CYP3A43: variants seen among roughly 807,000 people sequenced by gnomAD.
The protein encoded by CYP3A43 is cytochrome P450 3A43.
A neutral mutation model predicts 58.0 loss-of-function variants in CYP3A43; 45 were observed. That is an observed-to-expected ratio of 0.78 (90% confidence interval 0.61 to 0.99). CYP3A43 has a LOEUF of 0.99. Ranked by LOEUF, CYP3A43 falls within the 50% of genes least tolerant of loss-of-function variation. The pLI, the probability that CYP3A43 is intolerant of heterozygous loss-of-function variation, is 0.00. For missense variants in CYP3A43, 593 were observed against 591.9 expected, an observed-to-expected ratio of 1.00 and a Z score of -0.02; for synonymous variants, 191 against 201.4, an observed-to-expected ratio of 0.95 and a Z score of 0.44.
chr7:99,837,318 C>CAAAA (rs35566033), intron 2 of CYP3A43, among the ~76,000 whole-genome samples: 1,350 of 66,646 alleles, frequency 0.02, 52 homozygotes, highest in African/African-American at 0.054. Flanking sequence ...GACTGTGTCT[C>CAAAA]AAAAAAAAAA....
intron 3 of CYP3A43, among the ~76,000 whole-genome samples, chr7:99,840,441 A>G (rs111764181): frequency 8.3e-4 from 126 of 152,332 alleles, no homozygotes; most frequent in Non-Finnish European, 1.6e-3. Flanking sequence ...ATGAATATGT[A>G]ACTGACTTTT....
chr7:99,856,246 A>T (rs933158876), intron 8 of CYP3A43, among the ~76,000 whole-genome samples: 2 of 152,124 alleles, frequency 1.3e-5, no homozygotes, highest in African/African-American at 4.8e-5. Context: ...TTCTCTGGGC[A>T]TTGTGGGTGC....
chr7:99,828,042 T>C lies in CYP3A43; in HGVS notation c.-74T>C, dbSNP rs1300127745. ...CTGGGCAGAGAAACAAAGCTCTATA[T>C]GCACAGCCCAGCAAAGAGCAGCACA... On this transcript the variant is annotated 5_prime_UTR_variant, in exon 1 of 13. An upstream start codon of the reference 5' UTR is lost. Transcript: ENST00000354829. 3.2e-6 allele frequency: 4 copies of C among 1,268,958 alleles called. No individual in the cohort carries two copies. In the African/African-American group the frequency reaches 4.4e-5, roughly 14 times the overall value. The allele number at this position is 1,268,958 out of a possible 1,614,324, so 78.6% of individuals were successfully genotyped here.
In CYP3A43 at chr7:99,830,586, T is replaced by C. The variant is rs983654540; in HGVS notation, c.71+2400T>C. ...GGAGACTAAGGTTGATAATACTTGT[T>C]CTTTGGAGCACTGATGCCTGACAGA... On this transcript the variant is annotated intron_variant, in intron 1 of 12. Coordinates refer to ENST00000354829, the MANE Select transcript of CYP3A43 (RefSeq NM_057095.3). 3.9e-5 allele frequency among the ~76,000 whole-genome samples: 6 copies of C among 152,212 alleles called. No individual in the cohort carries two copies. The East Asian group carries it at 1.2e-3, about 29-fold the overall frequency.
At chr7:99,839,299 G>A (rs1312239041) in intron 3 of CYP3A43, 127 bp downstream of exon 3, 6 of 1,134,476 alleles carry the variant, frequency 5.3e-6, no homozygotes, top group Non-Finnish European at 7.9e-6. Context: ...AACAAACAGA[G>A]AGAGGCTATC....
chr7:99,838,801 G>A (rs1817200840), intron 2 of CYP3A43: 1 of 593,842 alleles, frequency 1.7e-6, no homozygotes, highest in South Asian at 1.8e-5. Flanking sequence ...CCAACATGGT[G>A]AAACCCTATT....
Position 99,849,679 on chromosome 7 carries a change from T to C in CYP3A43, c.655T>C (p.Phe219Leu), listed in dbSNP as rs1240163899. 1.2e-6 allele frequency: 2 copies of C among 1,605,808 alleles called. No individual in the cohort carries two copies. The highest frequency in any genetic ancestry group is 1.7e-6 in the Non-Finnish European group (2 of 1,177,250). The change falls in exon 7 of 13, where the codon TTT (phenylalanine) becomes CTT (leucine). Residue 219 changes from phenylalanine to leucine, a missense_variant. Transcript: ENST00000354829. Reference sequence around the variant, plus strand: ...TTTAAAATTGGATTTTTTGGATCCCTTTTTACTCTTAATATGTATGTGGAC... The same window carrying C: ...TTTAAAATTGGATTTTTTGGATCCCCTTTTACTCTTAATATGTATGTGGAC... ...KLLKLDFLDP[F>L]LLLISLFPFL...
intron 7 of CYP3A43, among the ~76,000 whole-genome samples, chr7:99,853,166 A>G (rs1165202917): frequency 6.6e-6 from 1 of 152,194 alleles, no homozygotes; most frequent in Non-Finnish European, 1.5e-5. Context: ...TGTTTGTAGA[A>G]TGGATATTAA....
intron 3 of CYP3A43, among the ~76,000 whole-genome samples, chr7:99,840,922 T>C (rs968645016): frequency 2.0e-5 from 3 of 152,174 alleles, no homozygotes; most frequent in African/African-American, 7.2e-5. Context: ...CTCTAACCAA[T>C]TGGCTCATGT....
At chr7:99,854,380 C>T (rs1329171952) in intron 7 of CYP3A43, among the ~76,000 whole-genome samples, 5 of 151,778 alleles carry the variant, frequency 3.3e-5, no homozygotes, top group African/African-American at 1.2e-4. Flanking sequence ...CTAACTTTTG[C>T]ATTTTTAGTA....
chr7:99,833,887 A>T (rs966461226), intron 1 of CYP3A43, among the ~76,000 whole-genome samples: 7 of 152,176 alleles, frequency 4.6e-5, no homozygotes, highest in Admixed American at 4.6e-4. Flanking sequence ...CAAATGCCAA[A>T]AATAAGCAAG....
intron 7 of CYP3A43, 198 bp from the exon 8 acceptor site, chr7:99,855,393 G>A (rs45457898): frequency 0.011 from 6,140 of 574,022 alleles, 192 homozygotes; most frequent in African/African-American, 0.082. Flanking sequence ...GCCCCTATGT[G>A]TGGATCTGCT....
intron 3 of CYP3A43, among the ~76,000 whole-genome samples, chr7:99,843,736 G>A (rs1332393423): frequency 6.6e-6 from 1 of 152,086 alleles, no homozygotes; most frequent in Non-Finnish European, 1.5e-5. Flanking sequence ...CAAAGTGCTG[G>A]AATTACAAGT....
Position 99,856,910 on chromosome 7 carries a change from A to G in CYP3A43, c.865+11A>G. The G allele has an allele frequency of 6.2e-7, 1 of 1,612,518 alleles. No individual in the cohort carries two copies. The highest frequency in any genetic ancestry group is 8.5e-7 in the Non-Finnish European group (1 of 1,179,524). On this transcript the variant is annotated intron_variant, in intron 9 of 12. Coordinates refer to ENST00000354829, the MANE Select transcript of CYP3A43 (RefSeq NM_057095.3). ...CAAAGTCCCATAAAGGTAACCAAGA[A>G]CTGCATCTGGGGGCTACTGATGGGG...
chr7:99,837,413 C>A (rs912118223), intron 2 of CYP3A43, among the ~76,000 whole-genome samples: 4 of 152,060 alleles, frequency 2.6e-5, no homozygotes, highest in African/African-American at 9.7e-5. Context: ...TACTTGAATT[C>A]TCTCAAGAAC....
At chr7:99,851,203 T>C (rs1817749100) in intron 7 of CYP3A43, among the ~76,000 whole-genome samples, 1 of 152,234 alleles carries the variant, frequency 6.6e-6, no homozygotes, top group Non-Finnish European at 1.5e-5. Flanking sequence ...TATCCATTCA[T>C]AGTTGATGGA....
chr7:99,843,226 T>C (rs192537311), intron 3 of CYP3A43, among the ~76,000 whole-genome samples: 4 of 152,130 alleles, frequency 2.6e-5, no homozygotes, highest in Admixed American at 6.5e-5. Flanking sequence ...ACACTCTCCT[T>C]CTTCTCTCTC....
intron 10 of CYP3A43, 44 bp from the exon 11 acceptor site, chr7:99,861,569 A>G: frequency 1.9e-6 from 3 of 1,561,810 alleles, no homozygotes; most frequent in Non-Finnish European, 2.6e-6. Flanking sequence ...GTTGAAAGTT[A>G]ATTCCCAATC....
chr7:99,862,575 T>A (rs1818279191), intron 11 of CYP3A43, among the ~76,000 whole-genome samples: 1 of 152,246 alleles, frequency 6.6e-6, no homozygotes. Flanking sequence ...GGGCATGATA[T>A]TCTGGGAATT....
Sources: allele counts gnomAD v4.1 joint callset (sites outside exome capture counted in the v4.1 genomes callset), GRCh38; gene constraint gnomAD v4.1.1; transcripts MANE v1.5; gene names NCBI Gene and HGNC (gene_info 2026-07-23, HGNC 2026-07-21).